Variants in FBXL17 observed in about 807,000 individuals in gnomAD.
FBXL17 encodes F-box/LRR-repeat protein 17.
In FBXL17, 22 loss-of-function variants were observed where a neutral mutation model predicts 66.2. The observed-to-expected ratio is 0.33, with a 90% CI of 0.24 to 0.47. The LOEUF is 0.47. Among genes scored for constraint, FBXL17 ranks in the 20% least tolerant of loss-of-function variants. FBXL17 has a pLI of 1.00. For missense variants in FBXL17, 878 were observed against 948.2 expected, an observed-to-expected ratio of 0.93 and a Z score of 0.97; for synonymous variants, 474 against 400.5, an observed-to-expected ratio of 1.18 and a Z score of -2.19.
chr5:108,032,446 G>C (rs1746677312), intron 6 of FBXL17, among the ~76,000 whole-genome samples: 1 of 152,094 alleles, frequency 6.6e-6, no homozygotes, highest in Admixed American at 6.6e-5. Flanking sequence ...CATGGAAAGA[G>C]TGTCTGCAGG....
At chr5:108,287,262 G>C (rs554540006) in intron 4 of FBXL17, among the ~76,000 whole-genome samples, 1 of 151,800 alleles carries the variant, frequency 6.6e-6, no homozygotes, top group African/African-American at 2.4e-5. Context: ...AACAAAAATT[G>C]ACAAATAGGA....
At chr5:108,142,385 T>C (rs1751383972) in intron 6 of FBXL17, among the ~76,000 whole-genome samples, 1 of 152,232 alleles carries the variant, frequency 6.6e-6, no homozygotes, top group African/African-American at 2.4e-5. Context: ...AAAAGGTGTT[T>C]AATGAGCTAA....
chr5:108,105,753 C>T (rs1241147541), intron 6 of FBXL17, among the ~76,000 whole-genome samples: 3 of 144,608 alleles, frequency 2.1e-5, no homozygotes, highest in Non-Finnish European at 4.6e-5. Context: ...ATACAACTAA[C>T]TTTAACATTA....
In FBXL17 at chr5:108,381,615, C is replaced by A; in HGVS notation, c.77G>T (p.Arg26Leu). The A allele has an allele frequency of 1.3e-6, 2 of 1,486,064 alleles. No homozygotes were observed. 92.1% of individuals were successfully genotyped at this position (1,486,064 alleles called of 1,614,324 possible). ...GGGCAGCCTGAGGAGAGGGCGCCGG[C>A]GGCGGCACCAACTGCAACAGCGAGG... ...KRPRCCSWCRRRRPLLRLPRR... is the reference protein window; with the variant it reads ...KRPRCCSWCRLRRPLLRLPRR... Residue 26 changes from arginine to leucine, a missense_variant, in exon 1 of 9, where the codon CGC (arginine) becomes CTC (leucine). Physicochemically the swap from Arg to Leu is moderately radical, Grantham distance 102. Coordinates refer to ENST00000542267, the MANE Select transcript of FBXL17 (RefSeq NM_001163315.3).
chr5:107,901,127 A>G (rs1211391264), intron 7 of FBXL17, among the ~76,000 whole-genome samples: 1 of 152,178 alleles, frequency 6.6e-6, no homozygotes, highest in Non-Finnish European at 1.5e-5. Flanking sequence ...ACGATTCTTC[A>G]GTATACTATA....
chr5:108,268,928 T>C (rs555377816), intron 4 of FBXL17, among the ~76,000 whole-genome samples: 35 of 152,114 alleles, frequency 2.3e-4, no homozygotes, highest in Non-Finnish European at 2.5e-4. Context: ...CATAAAGAAA[T>C]GAAGACCCAA....
At chr5:107,976,736 T>C (rs777740648) in intron 7 of FBXL17, among the ~76,000 whole-genome samples, 1 of 152,200 alleles carries the variant, frequency 6.6e-6, no homozygotes, top group African/African-American at 2.4e-5. Flanking sequence ...TTTCATGTTA[T>C]AGAATCAATT....
At chr5:108,250,589 T>A (rs1293521412) in intron 4 of FBXL17, among the ~76,000 whole-genome samples, 1 of 152,066 alleles carries the variant, frequency 6.6e-6, no homozygotes, top group African/African-American at 2.4e-5. Context: ...GAGTAGAGGA[T>A]GAAGAGATAG....
intron 7 of FBXL17, among the ~76,000 whole-genome samples, chr5:107,911,966 A>G (rs1182753572): frequency 1.3e-5 from 2 of 152,178 alleles, no homozygotes; most frequent in Admixed American, 1.3e-4. Context: ...AATGTCACTG[A>G]AAGGACCTTT....
intron 3 of FBXL17, among the ~76,000 whole-genome samples, chr5:108,357,956 T>A (rs1169756181): frequency 1.3e-5 from 2 of 152,150 alleles, no homozygotes; most frequent in Non-Finnish European, 2.9e-5. Context: ...GATGCTGTTG[T>A]AAATGAAATC....
chr5:108,371,924 C>T (rs1254686757), intron 1 of FBXL17, among the ~76,000 whole-genome samples: 2 of 152,100 alleles, frequency 1.3e-5, no homozygotes, highest in African/African-American at 4.8e-5. Flanking sequence ...CCCACTAGTA[C>T]CAAACTCAAA....
At chr5:108,216,740 T>A (rs909837100) in intron 5 of FBXL17, among the ~76,000 whole-genome samples, 2 of 151,936 alleles carry the variant, frequency 1.3e-5, no homozygotes, top group Non-Finnish European at 2.9e-5. Context: ...CATCCCCACA[T>A]AACATAAAAA....
chr5:107,876,445 G>T (rs1195547307), intron 8 of FBXL17, among the ~76,000 whole-genome samples: 1 of 152,192 alleles, frequency 6.6e-6, no homozygotes, highest in African/African-American at 2.4e-5. Context: ...TGGCATTTGA[G>T]AATTGCTACG....
At chr5:108,361,198 T>C (rs1748316118) in intron 3 of FBXL17, among the ~76,000 whole-genome samples, 1 of 152,152 alleles carries the variant, frequency 6.6e-6, no homozygotes, top group Non-Finnish European at 1.5e-5. Flanking sequence ...AAATATTAGA[T>C]TATAATGTGG....
At chr5:107,908,135 G>A (rs570249147) in intron 7 of FBXL17, among the ~76,000 whole-genome samples, 1 of 152,296 alleles carries the variant, frequency 6.6e-6, no homozygotes, top group East Asian at 1.9e-4. Context: ...ATGAGTTCAT[G>A]TCCTTCGTAG....
intron 8 of FBXL17, among the ~76,000 whole-genome samples, chr5:107,864,865 A>G (rs185531036): frequency 2.6e-5 from 4 of 152,364 alleles, no homozygotes; most frequent in African/African-American, 9.6e-5. Context: ...CTTTATAGTA[A>G]TACAAACAGA....
At chr5:108,353,174 G>A (rs1346195453) in intron 3 of FBXL17, among the ~76,000 whole-genome samples, 1 of 152,172 alleles carries the variant, frequency 6.6e-6, no homozygotes, top group African/African-American at 2.4e-5. Context: ...AAAATAAAAA[G>A]CTGATCACAC....
rs537658196 is a variant in FBXL17 at position 108,062,189 on chromosome 5, G to A, written c.1746-41188C>T. ...CACTTTTAAAAAGTTGGGCTCAACT[G>A]CTTTTATAATGAGCTACAAGCAGAA... is the stretch of plus-strand genomic sequence containing the variant. On this transcript the variant is annotated intron_variant, in intron 6 of 8. Transcript: ENST00000542267. Among the ~76,000 whole-genome samples the A allele has an allele frequency of 3.9e-5, 6 of 152,134 alleles. No individual in the cohort carries two copies. In the East Asian group the frequency reaches 5.8e-4, roughly 15 times the overall value.
At chr5:108,272,114 C>T (rs543838307) in intron 4 of FBXL17, among the ~76,000 whole-genome samples, 19 of 152,076 alleles carry the variant, frequency 1.2e-4, no homozygotes, top group African/African-American at 4.3e-4. Context: ...CACGGTGAAA[C>T]CCCATCTCTA....
Sources: gnomAD v4.1 joint callset for allele counts (sites outside exome capture counted in the v4.1 genomes callset) on GRCh38, gnomAD v4.1.1 for gene constraint, MANE v1.5 for transcripts, NCBI Gene and HGNC (gene_info 2026-07-23, HGNC 2026-07-21) for gene names.